POLA1: variants seen among roughly 807,000 people sequenced by gnomAD.
POLA1 encodes the protein DNA polymerase alpha catalytic subunit.
POLA1 carries 15 observed loss-of-function variants against 124.0 expected under a neutral mutation model. That is an observed-to-expected ratio of 0.12 (90% CI 0.08 to 0.19). The LOEUF is 0.19. POLA1 is among the 10% of genes least tolerant of loss of function. The pLI is 1.00. For synonymous variants in POLA1, 408 were observed against 389.4 expected (o/e 1.05, Z -0.56); for missense variants, 886 against 1,103.4 (o/e 0.80, Z 2.79).
intron 35 of POLA1, among the ~76,000 whole-genome samples, chrX:24,929,560 G>A (rs137975698): frequency 6.2e-5 from 7 of 112,205 alleles, no homozygotes; most frequent in Admixed American, 1.9e-4. Context: ...TCCCCAGCTC[G>A]CAAGTTTCCC....
chrX:24,950,356 C>T (rs2048020706), intron 36 of POLA1, among the ~76,000 whole-genome samples: 1 of 112,050 alleles, frequency 8.9e-6, no homozygotes, highest in African/African-American at 3.2e-5. Flanking sequence ...GACTGAGGAA[C>T]TGAATTTTCC....
intron 26 of POLA1, among the ~76,000 whole-genome samples, chrX:24,782,921 G>A (rs2045294938): frequency 9.0e-6 from 1 of 110,617 alleles, no homozygotes; most frequent in Non-Finnish European, 1.9e-5. Flanking sequence ...AAGCATACAT[G>A]TTTGATTTTT....
chrX:24,823,596 A>G (rs1337633256), intron 31 of POLA1, among the ~76,000 whole-genome samples: 2 of 110,364 alleles, frequency 1.8e-5, no homozygotes, highest in Non-Finnish European at 3.8e-5. Flanking sequence ...TAGAAATGGG[A>G]TTTCACCATG....
At chrX:24,892,029 G>A (rs1347513240) in intron 35 of POLA1, among the ~76,000 whole-genome samples, 1 of 111,462 alleles carries the variant, frequency 9.0e-6, no homozygotes, top group Admixed American at 9.6e-5. Flanking sequence ...TTGACTTGGA[G>A]TAGGAAAGCT....
At chrX:24,815,187 C>A in intron 30 of POLA1, 76 bp downstream of exon 30, 1 of 901,929 alleles carries the variant, frequency 1.1e-6, no homozygotes, top group Non-Finnish European at 1.5e-6. Flanking sequence ...GAAGAACCAC[C>A]TCATCCTTGC....
At chrX:24,756,424 G>C (rs1006309551) in intron 26 of POLA1, among the ~76,000 whole-genome samples, 1 of 109,672 alleles carries the variant, frequency 9.1e-6, no homozygotes, top group African/African-American at 3.3e-5. Context: ...TTAGCCGGGC[G>C]TGGTGGCAGG....
intron 2 of POLA1, among the ~76,000 whole-genome samples, chrX:24,701,993 A>G (rs778408075): frequency 1.1e-4 from 12 of 107,416 alleles, no homozygotes; most frequent in Non-Finnish European, 1.9e-4. Flanking sequence ...ACCTCAAGTA[A>G]TCTGCTCACC....
intron 32 of POLA1, among the ~76,000 whole-genome samples, chrX:24,835,566 T>G (rs1295273700): frequency 9.1e-6 from 1 of 110,367 alleles, no homozygotes; most frequent in Non-Finnish European, 1.9e-5. Context: ...TCTATTTTTT[T>G]TTTTCCTTTG....
At chrX:24,844,417 T>G (rs2147067092) in intron 34 of POLA1, among the ~76,000 whole-genome samples, 1 of 110,577 alleles carries the variant, frequency 9.0e-6, no homozygotes, top group South Asian at 3.9e-4. Flanking sequence ...TAAACAAATT[T>G]TCTGTTACTT....
At chrX:24,717,237 GCCTTTGTGTC>G (rs902153725) in intron 8 of POLA1, 43 bp from the exon 9 acceptor site, 261 of 1,050,706 alleles carry the variant, frequency 2.5e-4, no homozygotes, top group Non-Finnish European at 3.1e-4. Flanking sequence ...GCCTTTGTGT[GCCTTTGTGTC>G]ATCGCAATAA....
chrX:24,967,195 C>G (rs1023474289), intron 36 of POLA1, among the ~76,000 whole-genome samples: 17 of 92,518 alleles, frequency 1.8e-4, no homozygotes, highest in African/African-American at 6.4e-4. Flanking sequence ...TTCTCTCATC[C>G]AAGAAGACGA....
chrX:24,911,665 C>A (rs1293126840), intron 35 of POLA1, among the ~76,000 whole-genome samples: 1 of 110,909 alleles, frequency 9.0e-6, no homozygotes. Flanking sequence ...AAACTAAAAT[C>A]TGTATTTGGA....
intron 26 of POLA1, among the ~76,000 whole-genome samples, chrX:24,772,397 CTTTAAT>C (rs1410703289): frequency 3.6e-5 from 4 of 109,833 alleles, no homozygotes; most frequent in African/African-American, 9.9e-5. Flanking sequence ...TTTTATTTAA[CTTTAAT>C]TTTAAGTTCA....
chrX:24,844,271 A>G (rs2046446962), intron 34 of POLA1, among the ~76,000 whole-genome samples: 1 of 112,032 alleles, frequency 8.9e-6, no homozygotes, highest in African/African-American at 3.2e-5. Flanking sequence ...ATTTGTCTTC[A>G]TTGGAAAGAA....
intron 34 of POLA1, among the ~76,000 whole-genome samples, chrX:24,844,703 G>A (rs746526254): frequency 2.5e-4 from 28 of 111,811 alleles, no homozygotes; most frequent in Non-Finnish European, 5.3e-4. Flanking sequence ...AAGTCAGTTT[G>A]CCTAAAGATT....
intron 32 of POLA1, among the ~76,000 whole-genome samples, chrX:24,840,345 G>A (rs747642930): frequency 2.7e-5 from 3 of 112,190 alleles, no homozygotes; most frequent in East Asian, 5.6e-4. Flanking sequence ...AGTAGGCAGC[G>A]TTGAACTCGG....
chrX:24,742,994 A>G (rs1403868894), intron 22 of POLA1, among the ~76,000 whole-genome samples: 1 of 112,414 alleles, frequency 8.9e-6, no homozygotes, highest in Non-Finnish European at 1.9e-5. Context: ...ACACATAAAA[A>G]TAGAATTTTC....
At chrX:24,866,677 A>C (rs1267347024) in intron 34 of POLA1, among the ~76,000 whole-genome samples, 14 of 112,111 alleles carry the variant, frequency 1.2e-4, no homozygotes, top group Admixed American at 1.2e-3. Flanking sequence ...CGAAAAAAGA[A>C]AAAGTGATCA....
intron 32 of POLA1, among the ~76,000 whole-genome samples, chrX:24,829,791 G>C (rs758029582): frequency 4.6e-4 from 51 of 111,876 alleles, no homozygotes; most frequent in Non-Finnish European, 7.5e-5. Context: ...GAAGTGTTAG[G>C]GGGTACGTGG....
Sources: gnomAD v4.1 joint callset for allele counts (sites outside exome capture counted in the v4.1 genomes callset) on GRCh38, gnomAD v4.1.1 for gene constraint, MANE v1.5 for transcripts, NCBI Gene and HGNC (gene_info 2026-07-23, HGNC 2026-07-21) for gene names.